Variants in KSR2 observed in about 807,000 individuals in gnomAD.
KSR2 encodes kinase suppressor of ras 2.
In KSR2, 25 loss-of-function variants were observed where a neutral mutation model predicts 107.8. The observed-to-expected ratio is 0.23, with a 90% confidence interval of 0.17 to 0.32. The LOEUF (loss-of-function observed/expected upper bound fraction) is 0.32. Ranked by LOEUF, KSR2 falls within the 10% of genes least tolerant of loss-of-function variation. KSR2 has a pLI of 1.00. For synonymous variants in KSR2, 480 were observed against 507.0 expected (o/e 0.95, Z 0.71); for missense variants, 887 against 1,268.9 (o/e 0.70, Z 4.57).
At chr12:117,855,058 T>TA (rs141357896) in intron 3 of KSR2, among the ~76,000 whole-genome samples, 1,847 of 151,084 alleles carry the variant, frequency 0.012, 38 homozygotes, top group African/African-American at 0.043. Context: ...TTACTTCTGT[T>TA]AAAAAAAAAA....
At chr12:117,782,107 A>G (rs1243006210) in intron 3 of KSR2, among the ~76,000 whole-genome samples, 1 of 152,160 alleles carries the variant, frequency 6.6e-6, no homozygotes, top group Non-Finnish European at 1.5e-5. Context: ...ACATGTCTTT[A>G]TTGAGTGCAT....
At chr12:117,759,582 T>C (rs928339507) in intron 4 of KSR2, among the ~76,000 whole-genome samples, 4 of 152,172 alleles carry the variant, frequency 2.6e-5, no homozygotes, top group Admixed American at 2.6e-4. Flanking sequence ...ACCATCCATC[T>C]CCAGAATGTT....
intron 3 of KSR2, among the ~76,000 whole-genome samples, chr12:117,794,205 A>T (rs1182497084): frequency 6.9e-5 from 7 of 100,912 alleles, no homozygotes; most frequent in Non-Finnish European, 9.5e-5. Flanking sequence ...CCATGCACAC[A>T]TACACCAACA....
chr12:117,718,805 G>A (rs1485584434), intron 4 of KSR2, among the ~76,000 whole-genome samples: 1 of 152,126 alleles, frequency 6.6e-6, no homozygotes, highest in Non-Finnish European at 1.5e-5. Context: ...CACCAGCTCT[G>A]GCAAGGCATG....
chr12:117,539,563 G>T, intron 10 of KSR2, 156 bp downstream of exon 10: 1 of 627,898 alleles, frequency 1.6e-6, no homozygotes, highest in Non-Finnish European at 2.6e-6. Context: ...TACGATAAGG[G>T]TCAGTCCACA....
intron 3 of KSR2, among the ~76,000 whole-genome samples, chr12:117,813,436 T>C (rs1448277420): frequency 3.9e-5 from 6 of 151,990 alleles, no homozygotes; most frequent in Admixed American, 3.9e-4. Context: ...AACAACTCAT[T>C]AGCAAAAAAT....
intron 5 of KSR2, among the ~76,000 whole-genome samples, chr12:117,586,217 A>G (rs1879979531): frequency 6.6e-6 from 1 of 152,210 alleles, no homozygotes; most frequent in African/African-American, 2.4e-5. Flanking sequence ...ACGTGAGGAT[A>G]TACACAGAGA....
At chr12:117,802,984 T>C (rs1382451833) in intron 3 of KSR2, among the ~76,000 whole-genome samples, 8 of 152,216 alleles carry the variant, frequency 5.3e-5, no homozygotes, top group Non-Finnish European at 7.3e-5. Context: ...GAAGCTGGAA[T>C]TGATAAATTG....
In KSR2 at chr12:117,893,276, C is replaced by T. The variant is rs1003030588; in HGVS notation, c.181-32845G>A. Among the ~76,000 whole-genome samples, 12 of 152,162 alleles carry T rather than the reference C, an allele frequency of 7.9e-5. 2 individuals are homozygous for T. The highest frequency in any genetic ancestry group is 7.2e-4 in the Admixed American group (11 of 15,274). Reference sequence around the variant, plus strand: ...CAAGCTATCCTCCCACCCCGGCCTCCGTGGTGCTGGGATTACAGGCATGAG... The same window carrying T: ...CAAGCTATCCTCCCACCCCGGCCTCTGTGGTGCTGGGATTACAGGCATGAG... On this transcript the variant is annotated intron_variant, in intron 1 of 19. Transcript: ENST00000339824.
chr12:117,645,165 A>G (rs76311144), intron 5 of KSR2, among the ~76,000 whole-genome samples: 4,704 of 152,306 alleles, frequency 0.031, 243 homozygotes, highest in African/African-American at 0.11. Context: ...TACTATGAAG[A>G]GGAAGCTTAA....
chr12:117,747,118 A>G (rs546491406), intron 4 of KSR2, among the ~76,000 whole-genome samples: 27 of 152,312 alleles, frequency 1.8e-4, no homozygotes, highest in African/African-American at 6.0e-4. Context: ...TTCTACTATA[A>G]AGACACATGC....
intron 5 of KSR2, among the ~76,000 whole-genome samples, chr12:117,589,519 G>A (rs1880198299): frequency 6.6e-6 from 1 of 152,214 alleles, no homozygotes; most frequent in South Asian, 2.1e-4. Flanking sequence ...GACAGACTGA[G>A]TGAGAACTCA....
chr12:117,739,826 T>C (rs546428149), intron 4 of KSR2, among the ~76,000 whole-genome samples: 2 of 151,642 alleles, frequency 1.3e-5, no homozygotes, highest in South Asian at 4.2e-4. Flanking sequence ...AGGCACAAAC[T>C]CAGAGAAGAG....
intron 7 of KSR2, among the ~76,000 whole-genome samples, chr12:117,562,814 C>T (rs1000758304): frequency 8.5e-5 from 13 of 152,050 alleles, no homozygotes; most frequent in Admixed American, 5.2e-4. Flanking sequence ...CCAGGGGCTT[C>T]GGTGGGCAGC....
chr12:117,727,659 A>T (rs1227440659), intron 4 of KSR2, among the ~76,000 whole-genome samples: 1 of 152,144 alleles, frequency 6.6e-6, no homozygotes, highest in African/African-American at 2.4e-5. Context: ...GGGAGAGGCA[A>T]GGAAGGATCT....
In KSR2 at chr12:117,456,820, C is replaced by G. The variant is rs1870648663; in HGVS notation, c.*10379G>C. 6.6e-6 allele frequency: 1 copy of G among 152,210 alleles called. No homozygotes were observed. The highest frequency in any genetic ancestry group is 2.4e-5 in the African/African-American group (1 of 41,418). 9.4% of individuals were successfully genotyped at this position (152,210 alleles called of 1,614,324 possible). On this transcript the variant is annotated 3_prime_UTR_variant, in exon 20 of 20. Transcript: ENST00000339824. ...ATCAGTCACACGGGACTGGACAGAA[C>G]TGCCACATCTTGTCCAGACTGTCTA...
intron 4 of KSR2, among the ~76,000 whole-genome samples, chr12:117,673,532 T>C (rs1884999160): frequency 6.6e-6 from 1 of 151,618 alleles, no homozygotes; most frequent in Non-Finnish European, 1.5e-5. Flanking sequence ...GAAGAGAGAA[T>C]GGGAGTAAAA....
chr12:117,939,754 A>G (rs1159404587), intron 1 of KSR2, among the ~76,000 whole-genome samples: 1 of 151,234 alleles, frequency 6.6e-6, no homozygotes, highest in East Asian at 1.9e-4. Flanking sequence ...AACGTGGCCA[A>G]TGTGGTGAAA....
intron 1 of KSR2, among the ~76,000 whole-genome samples, chr12:117,940,814 A>G (rs1020404888): frequency 6.6e-6 from 1 of 152,168 alleles, no homozygotes; most frequent in African/African-American, 2.4e-5. Context: ...AGCCAGGCGC[A>G]GTGGCTCACA....
Sources: gnomAD v4.1 joint callset for allele counts (sites outside exome capture counted in the v4.1 genomes callset) on GRCh38, gnomAD v4.1.1 for gene constraint, MANE v1.5 for transcripts, NCBI Gene and HGNC (gene_info 2026-07-23, HGNC 2026-07-21) for gene names.